Variants in UBE2E3 observed in about 807,000 individuals in gnomAD.
UBE2E3 encodes ubiquitin conjugating enzyme E2 E3, also known as ubiquitin-conjugating enzyme E2 E3.
Under a neutral mutation model 23.6 loss-of-function variants are expected in UBE2E3, and 5 were observed. The ratio of observed to expected loss-of-function variants is 0.21; its 90% CI spans 0.11 to 0.44. The LOEUF is 0.44. Among genes scored for constraint, UBE2E3 ranks in the 20% least tolerant of loss-of-function variants. UBE2E3 has a pLI of 0.99. For missense variants in UBE2E3, 81 were observed against 249.8 expected (o/e 0.32, Z 4.55); for synonymous variants, 78 against 87.5 (o/e 0.89, Z 0.60).
intron 3 of UBE2E3, among the ~76,000 whole-genome samples, chr2:181,024,104 G>A (rs1685799332): frequency 6.6e-6 from 1 of 152,050 alleles, no homozygotes; most frequent in Non-Finnish European, 1.5e-5. Context: ...AAACATGTAT[G>A]TTCAGTCCTT....
intron 3 of UBE2E3, among the ~76,000 whole-genome samples, chr2:181,024,245 A>C (rs1226148467): frequency 6.6e-6 from 1 of 152,152 alleles, no homozygotes; most frequent in Non-Finnish European, 1.5e-5. Flanking sequence ...TTCTCAGAAA[A>C]TGATTGACAC....
At chr2:181,035,062 C>T (rs1402706145) in intron 3 of UBE2E3, among the ~76,000 whole-genome samples, 1 of 152,102 alleles carries the variant, frequency 6.6e-6, no homozygotes, top group Non-Finnish European at 1.5e-5. Flanking sequence ...ATATACAAGT[C>T]ATTTGTAAAC....
chr2:181,057,608 T>G, intron 3 of UBE2E3, 85 bp from the exon 4 acceptor site: 1 of 1,185,746 alleles, frequency 8.4e-7, no homozygotes, highest in Non-Finnish European at 1.2e-6. Flanking sequence ...GATTGCTAAT[T>G]TACCTTTAAC....
intron 3 of UBE2E3, among the ~76,000 whole-genome samples, chr2:180,994,739 G>A (rs1684774984): frequency 6.6e-6 from 1 of 152,128 alleles, no homozygotes; most frequent in Admixed American, 6.6e-5. Context: ...GAAACTTGCA[G>A]GTGAATGGTG....
chr2:181,047,580 C>T (rs1686708318), intron 3 of UBE2E3, among the ~76,000 whole-genome samples: 3 of 151,608 alleles, frequency 2.0e-5, no homozygotes, highest in African/African-American at 7.3e-5. Context: ...TTCTCGAAAC[C>T]CTCCTTTTCC....
At chr2:180,981,246 T>C (rs1457185280) in intron 1 of UBE2E3, 1 of 151,616 alleles carries the variant, frequency 6.6e-6, no homozygotes, top group African/African-American at 2.4e-5. Context: ...CGCGGAAATT[T>C]GTTGCACTTC....
In UBE2E3 at chr2:180,997,111, CT is replaced by C. The variant is rs202154522; in HGVS notation, c.245+13029del. Among the ~76,000 whole-genome samples the C allele has an allele frequency of 2.8e-3, 411 of 147,414 alleles. 2 individuals are homozygous for C. The highest frequency in any genetic ancestry group is 8.0e-3 in the African/African-American group (323 of 40,368). On this transcript the variant is annotated intron_variant, in intron 3 of 5. Transcript: ENST00000410062. Reference sequence around the variant, plus strand: ...TGTTACCCCATTGCCTCAAACTACACTTTTTTTTTTTACCCTTCTAATCTCT... The same window carrying C: ...TGTTACCCCATTGCCTCAAACTACACTTTTTTTTTTACCCTTCTAATCTCT...
chr2:180,984,455 T>G (rs1040810930), intron 3 of UBE2E3, among the ~76,000 whole-genome samples: 3 of 152,224 alleles, frequency 2.0e-5, no homozygotes, highest in African/African-American at 7.2e-5. Context: ...CAATCTGAAC[T>G]GACCTTCCAC....
intron 3 of UBE2E3, among the ~76,000 whole-genome samples, chr2:181,008,286 T>C (rs1401548008): frequency 2.0e-5 from 3 of 152,192 alleles, no homozygotes; most frequent in Non-Finnish European, 4.4e-5. Context: ...TGGCAGGCAA[T>C]AGTGTAAGTC....
chr2:181,047,215 T>C (rs1686696559), intron 3 of UBE2E3, among the ~76,000 whole-genome samples: 1 of 152,118 alleles, frequency 6.6e-6, no homozygotes, highest in Non-Finnish European at 1.5e-5. Flanking sequence ...TTCCATTTGC[T>C]TTTTTGTCCC....
At chr2:181,031,987 G>C (rs768870166) in intron 3 of UBE2E3, among the ~76,000 whole-genome samples, 1 of 151,926 alleles carries the variant, frequency 6.6e-6, no homozygotes, top group Non-Finnish European at 1.5e-5. Flanking sequence ...CATGTAGCCT[G>C]TTCTTACAAT....
intron 3 of UBE2E3, among the ~76,000 whole-genome samples, chr2:180,995,107 A>G (rs1427834679): frequency 6.6e-6 from 1 of 152,116 alleles, no homozygotes; most frequent in Non-Finnish European, 1.5e-5. Flanking sequence ...TCATCACTCC[A>G]GTAAATTGTG....
chr2:181,039,363 T>C (rs1195644747), intron 3 of UBE2E3, among the ~76,000 whole-genome samples: 1 of 152,042 alleles, frequency 6.6e-6, no homozygotes. Flanking sequence ...GAAAATGTAA[T>C]GAATATACTT....
At chr2:181,022,030 T>G (rs1397373067) in intron 3 of UBE2E3, among the ~76,000 whole-genome samples, 3 of 152,168 alleles carry the variant, frequency 2.0e-5, no homozygotes, top group Non-Finnish European at 4.4e-5. Context: ...GGTAAAATAA[T>G]AATGTACGTT....
At chr2:180,994,245 T>C (rs1684760386) in intron 3 of UBE2E3, among the ~76,000 whole-genome samples, 1 of 152,178 alleles carries the variant, frequency 6.6e-6, no homozygotes, top group Non-Finnish European at 1.5e-5. Flanking sequence ...CACTTTTCCC[T>C]TCTGCCGAGG....
intron 3 of UBE2E3, among the ~76,000 whole-genome samples, chr2:181,039,293 ATAAAT>A (rs932170475): frequency 1.3e-5 from 2 of 148,384 alleles, no homozygotes; most frequent in Non-Finnish European, 3.0e-5. Context: ...AATTTTATAA[ATAAAT>A]TTATACTTCA....
chr2:181,060,536 T>G (rs1169646146), intron 4 of UBE2E3, 129 bp from the exon 5 acceptor site: 1 of 1,012,386 alleles, frequency 9.9e-7, no homozygotes, highest in Admixed American at 3.5e-5. Context: ...TTATTAAACC[T>G]AATCTAAGTT....
chr2:181,033,146 C>A (rs1417756638), intron 3 of UBE2E3, among the ~76,000 whole-genome samples: 1 of 152,150 alleles, frequency 6.6e-6, no homozygotes, highest in African/African-American at 2.4e-5. Flanking sequence ...ATCAAGGTAC[C>A]AACGACTTTC....
chr2:181,040,119 T>C (rs960295123), intron 3 of UBE2E3, among the ~76,000 whole-genome samples: 1 of 152,224 alleles, frequency 6.6e-6, no homozygotes, highest in African/African-American at 2.4e-5. Flanking sequence ...ACTGTTTCCT[T>C]GACATTCCTA....
Sources: gnomAD v4.1 joint callset for allele counts (sites outside exome capture counted in the v4.1 genomes callset) on GRCh38, gnomAD v4.1.1 for gene constraint, MANE v1.5 for transcripts, NCBI Gene and HGNC (gene_info 2026-07-23, HGNC 2026-07-21) for gene names.